NFIB: variants seen among roughly 807,000 people sequenced by gnomAD.
NFIB encodes nuclear factor I B.
In NFIB, 11 loss-of-function variants were observed where a neutral mutation model predicts 61.5. That is an observed-to-expected ratio of 0.18 (90% CI 0.11 to 0.30). NFIB has a LOEUF of 0.30. Ranked by LOEUF, NFIB falls within the 10% of genes least tolerant of loss-of-function variation. The pLI, the probability that NFIB is intolerant of heterozygous loss-of-function variation, is 1.00. For missense variants in NFIB, 471 were observed against 608.9 expected, an observed-to-expected ratio of 0.77 and a Z score of 2.38; for synonymous variants, 260 against 216.5, an observed-to-expected ratio of 1.20 and a Z score of -1.76.
intron 10 of NFIB, among the ~76,000 whole-genome samples, chr9:14,111,966 G>C (rs1017392148): frequency 6.6e-5 from 10 of 152,240 alleles, no homozygotes; most frequent in Non-Finnish European, 1.2e-4. Flanking sequence ...GCACAGTTGA[G>C]GTAGGTCACA....
the NFIB span, among the ~76,000 whole-genome samples, chr9:14,515,583 A>C: frequency 6.6e-6 from 1 of 152,092 alleles, no homozygotes; most frequent in East Asian, 1.9e-4. Flanking sequence ...ACCTCCTGAA[A>C]CTGAATCGTG....
In NFIB at chr9:14,294,042, CAT is replaced by C. The variant is rs376053341; in HGVS notation, c.562+12945_562+12946del. Among the ~76,000 whole-genome samples, 1,094 of 152,310 alleles carry C rather than the reference CAT, an allele frequency of 7.2e-3. 15 individuals carry two copies. The highest frequency in any genetic ancestry group is 0.024 in the African/African-American group (1,017 of 41,562). On this transcript the variant is annotated intron_variant, in intron 2 of 10. Transcript: ENST00000380953. ...AACCCAAAATATGTTTCTCCATGCA[CAT>C]GTTTTATATTATACGAATGTTGGAC...
the NFIB span, among the ~76,000 whole-genome samples, chr9:14,429,166 G>C: frequency 6.6e-6 from 1 of 152,094 alleles, no homozygotes; most frequent in Non-Finnish European, 1.5e-5. Context: ...GTTTATTTTT[G>C]GTTGACTTTG....
intron 6 of NFIB, among the ~76,000 whole-genome samples, chr9:14,144,889 C>G (rs1170882254): frequency 6.6e-6 from 1 of 152,098 alleles, no homozygotes; most frequent in Non-Finnish European, 1.5e-5. Flanking sequence ...TCAAGTAAAG[C>G]AGTGGGCTCA....
chr9:14,394,579 C>T (rs2061660882), intron 1 of NFIB, among the ~76,000 whole-genome samples: 1 of 152,088 alleles, frequency 6.6e-6, no homozygotes, highest in Non-Finnish European at 1.5e-5. Flanking sequence ...GGGAAAATGC[C>T]CCCATGATTC....
At chr9:14,142,399 A>C (rs2041839798) in intron 6 of NFIB, among the ~76,000 whole-genome samples, 1 of 152,170 alleles carries the variant, frequency 6.6e-6, no homozygotes, top group African/African-American at 2.4e-5. Flanking sequence ...CTACCCAGCC[A>C]ATAAACCTCT....
intron 1 of NFIB, among the ~76,000 whole-genome samples, chr9:14,354,533 A>G (rs142935302): frequency 2.9e-4 from 44 of 152,304 alleles, no homozygotes; most frequent in African/African-American, 8.4e-4. Context: ...ACAAAGACCA[A>G]TTTGAGAGTA....
chr9:14,429,881 A>C, the NFIB span, among the ~76,000 whole-genome samples: 6 of 152,334 alleles, frequency 3.9e-5, no homozygotes, highest in Non-Finnish European at 8.8e-5. Flanking sequence ...TTGGAAAAAA[A>C]CCACTTATTC....
At chr9:14,487,888 A>T in the NFIB span, among the ~76,000 whole-genome samples, 3 of 152,154 alleles carry the variant, frequency 2.0e-5, no homozygotes, top group African/African-American at 7.2e-5. Context: ...ATGGGCAGGC[A>T]CAGGAGGGCA....
intron 2 of NFIB, among the ~76,000 whole-genome samples, chr9:14,272,270 CT>C (rs762770764): frequency 7.2e-5 from 11 of 152,058 alleles, no homozygotes; most frequent in Non-Finnish European, 1.5e-4. Context: ...TTCAATCTGG[CT>C]TTTTGTCGTA....
intron 2 of NFIB, among the ~76,000 whole-genome samples, chr9:14,213,950 A>G (rs956603111): frequency 2.6e-5 from 4 of 152,024 alleles, no homozygotes; most frequent in African/African-American, 9.7e-5. Flanking sequence ...TCCAAATTTA[A>G]GGGGGGAAGA....
the NFIB span, among the ~76,000 whole-genome samples, chr9:14,423,070 A>T: frequency 3.3e-5 from 5 of 152,372 alleles, no homozygotes; most frequent in East Asian, 1.9e-4. Flanking sequence ...TGTAAAAAAA[A>T]GTATGCCCAC....
the NFIB span, among the ~76,000 whole-genome samples, chr9:14,494,402 A>G: frequency 6.6e-6 from 1 of 152,194 alleles, no homozygotes; most frequent in Non-Finnish European, 1.5e-5. Context: ...CATGCCAAAG[A>G]CGTAAACATG....
rs1028241193 is a variant in NFIB, at chr9:14,287,552, A to G, written c.562+19437T>C. 5.7e-4 allele frequency among the ~76,000 whole-genome samples: 86 copies of G among 151,918 alleles called. 2 individuals carry two copies. Among genetic ancestry groups the G allele is most frequent in the Middle Eastern group, 3.4e-3 (1 of 294 alleles). On this transcript the variant is annotated intron_variant, in intron 2 of 10. Coordinates refer to ENST00000380953, the MANE Select transcript of NFIB (RefSeq NM_001190737.2). ...GATCTTCTGCCTCAGCTTCCCGAGT[A>G]GCTGGGATTACAGGTGCGCACCACC...
At chr9:14,404,637 C>T in the NFIB span, among the ~76,000 whole-genome samples, 2 of 152,128 alleles carry the variant, frequency 1.3e-5, no homozygotes, top group Non-Finnish European at 2.9e-5. Flanking sequence ...AAAATGCAGA[C>T]TTGTTTTCCC....
the NFIB span, among the ~76,000 whole-genome samples, chr9:14,442,218 T>TG: frequency 6.6e-6 from 1 of 152,204 alleles, no homozygotes; most frequent in African/African-American, 2.4e-5. Flanking sequence ...TGCTGGTTAG[T>TG]GTGCTGGGCC....
At chr9:14,187,208 T>C (rs2047471505) in intron 2 of NFIB, among the ~76,000 whole-genome samples, 2 of 152,138 alleles carry the variant, frequency 1.3e-5, no homozygotes, top group Non-Finnish European at 1.5e-5. Context: ...GTTTTAACTT[T>C]ATCACTTTGT....
At chr9:14,254,584 A>C (rs2056015386) in intron 2 of NFIB, among the ~76,000 whole-genome samples, 1 of 151,970 alleles carries the variant, frequency 6.6e-6, no homozygotes, top group African/African-American at 2.4e-5. Flanking sequence ...ATTTTACAGT[A>C]CTCCCGTGCA....
chr9:14,492,260 G>A, the NFIB span, among the ~76,000 whole-genome samples: 2 of 151,976 alleles, frequency 1.3e-5, no homozygotes, highest in African/African-American at 4.8e-5. Flanking sequence ...CTACTCGGGA[G>A]GCTGAGGCAG....
Sources: allele counts gnomAD v4.1 joint callset (sites outside exome capture counted in the v4.1 genomes callset), GRCh38; gene constraint gnomAD v4.1.1; transcripts MANE v1.5; gene names NCBI Gene and HGNC (gene_info 2026-07-23, HGNC 2026-07-21).